The following PLEKHS1 variants were observed in gnomAD, a reference collection of about 807,000 sequenced individuals.
PLEKHS1 encodes pleckstrin homology domain containing S1.
A neutral mutation model predicts 51.0 loss-of-function variants in PLEKHS1; 55 were observed. The observed-to-expected ratio is 1.08, with a 90% confidence interval of 0.87 to 1.35. PLEKHS1 has a LOEUF of 1.35. PLEKHS1 is among the 40% of genes most tolerant of loss of function. The probability of loss-of-function intolerance (pLI) is 0.00; values close to 1 mark genes in which losing one functional copy is unlikely to be tolerated. For missense variants in PLEKHS1, 398 were observed against 423.0 expected, an observed-to-expected ratio of 0.94 and a Z score of 0.52; for synonymous variants, 153 against 144.8, an observed-to-expected ratio of 1.06 and a Z score of -0.41.
intron 8 of PLEKHS1, among the ~76,000 whole-genome samples, chr10:113,772,791 G>T (rs1358373705): frequency 3.3e-5 from 5 of 152,218 alleles, no homozygotes; most frequent in Non-Finnish European, 7.3e-5. Context: ...CTGCAACCTA[G>T]AGTGCGTGAA....
intron 7 of PLEKHS1, among the ~76,000 whole-genome samples, chr10:113,770,292 G>A (rs1844347259): frequency 6.6e-6 from 1 of 152,172 alleles, no homozygotes; most frequent in Non-Finnish European, 1.5e-5. Flanking sequence ...CAAAGGCTGA[G>A]TTTCTTGTTA....
intron 11 of PLEKHS1, 87 bp downstream of exon 11, chr10:113,775,953 C>T: frequency 1.0e-6 from 1 of 985,744 alleles, no homozygotes; most frequent in Non-Finnish European, 1.5e-6. Flanking sequence ...GTGTATTTGG[C>T]AACACTGACT....
chr10:113,760,622 G>T (rs1440208028), intron 2 of PLEKHS1, among the ~76,000 whole-genome samples: 1 of 152,170 alleles, frequency 6.6e-6, no homozygotes, highest in Non-Finnish European at 1.5e-5. Context: ...TTAGAAGAAT[G>T]TCTGTTCAAG....
chr10:113,769,852 AT>A lies in PLEKHS1; in HGVS notation c.505del (p.Ser169GlnfsTer18). On this transcript the variant is annotated frameshift_variant, in exon 7 of 12. Transcript: ENST00000361048. LOFTEE classifies it high-confidence loss of function. ...GCCCTCTCCTTGGCCCTTCCAGCACATCAGAGGCTGTTGGCTCCAGCTCACC... is the reference window on the plus strand; with the variant it reads ...GCCCTCTCCTTGGCCCTTCCAGCACACAGAGGCTGTTGGCTCCAGCTCACC... 6.2e-7 allele frequency: 1 copy of A among 1,614,148 alleles called. No individual in the cohort carries two copies. Among genetic ancestry groups the A allele is most frequent in the Non-Finnish European group, 8.5e-7 (1 of 1,179,986 alleles).
At chr10:113,781,515 CAAACCCCT>C in exon 12 of PLEKHS1, 1 of 123,574 alleles carries the variant, frequency 8.1e-6, no homozygotes, top group African/African-American at 3.1e-5. Flanking sequence ...ACCTCCTTCC[CAAACCCCT>C]CCTTCCCCAA....
At chr10:113,759,695 C>A (rs1195982762) in intron 2 of PLEKHS1, among the ~76,000 whole-genome samples, 1 of 152,110 alleles carries the variant, frequency 6.6e-6, no homozygotes, top group Admixed American at 6.5e-5. Context: ...TGTTGAATAT[C>A]CAGGTTGCTT....
chr10:113,780,535 A>C, intron 11 of PLEKHS1, 67 bp from the exon 13 acceptor site: 1 of 1,454,794 alleles, frequency 6.9e-7, no homozygotes, highest in Non-Finnish European at 9.6e-7. Flanking sequence ...GAATGAGGAC[A>C]GATTGGGAAG....
chr10:113,766,297 C>A, intron 2 of PLEKHS1, 114 bp from the exon 3 acceptor site: 1 of 660,852 alleles, frequency 1.5e-6, no homozygotes, highest in Non-Finnish European at 2.6e-6. Flanking sequence ...TGTCCTTTTC[C>A]ATAACTACTG....
chr10:113,777,397 A>ATT (rs774466423), intron 11 of PLEKHS1, 138 bp downstream of exon 12: 2 of 1,610,538 alleles, frequency 1.2e-6, no homozygotes, highest in Non-Finnish European at 1.7e-6. Context: ...CAAATAACAG[A>ATT]ATGTGCTTTC....
rs73361835 is a variant in PLEKHS1, at chr10:113,765,271, G to A, written c.29-1140G>A. ...TGATTTTTTAGGTGGGTTTGGAGCA[G>A]TGCTCAGTGTAGAACTAGTAATTAG... On this transcript the variant is annotated intron_variant, in intron 2 of 11. Coordinates refer to ENST00000361048, the Ensembl canonical transcript of PLEKHS1. 5.4e-3 allele frequency: 3,742 copies of A among 689,010 alleles called. 89 individuals carry two copies. In the African/African-American group the frequency reaches 0.057, roughly 11 times the overall value. 42.7% of individuals were successfully genotyped at this position (689,010 alleles called of 1,614,324 possible).
At chr10:113,777,025 G>A (rs1158280094) in intron 11 of PLEKHS1, 99 bp from the exon 12 acceptor site, 10 of 1,367,968 alleles carry the variant, frequency 7.3e-6, no homozygotes, top group Middle Eastern at 5.0e-4. Context: ...CTACTTCAGA[G>A]GTGGTGCCAC....
chr10:113,765,586 G>A (rs552790235), intron 2 of PLEKHS1, among the ~76,000 whole-genome samples: 1 of 152,208 alleles, frequency 6.6e-6, no homozygotes, highest in African/African-American at 2.4e-5. Flanking sequence ...ATTAAATAAA[G>A]AAGTTTCTAA....
At chr10:113,777,637 A>G (rs1460489809) in intron 11 of PLEKHS1, 3 of 1,534,938 alleles carry the variant, frequency 2.0e-6, no homozygotes, top group Non-Finnish European at 2.6e-6. Context: ...GGATAATTAA[A>G]TGAGGTAATA....
At chr10:113,761,098 T>C (rs1362488994) in intron 2 of PLEKHS1, among the ~76,000 whole-genome samples, 1 of 152,194 alleles carries the variant, frequency 6.6e-6, no homozygotes, top group Non-Finnish European at 1.5e-5. Flanking sequence ...CACTAATGTA[T>C]GGGTTTGTTT....
exon 5 of PLEKHS1, chr10:113,767,467 T>C (rs1393410441): frequency 3.1e-6 from 5 of 1,611,502 alleles, no homozygotes; most frequent in Non-Finnish European, 4.2e-6. Flanking sequence ...TACTTCCTCA[T>C]TGGCCACGAC....
chr10:113,775,137 A>G (rs778619098), intron 10 of PLEKHS1, 102 bp downstream of exon 10: 68 of 1,128,396 alleles, frequency 6.0e-5, no homozygotes, highest in Non-Finnish European at 7.7e-5. Flanking sequence ...GCTGTTCCTA[A>G]AAATCTCCAA....
At chr10:113,762,176 A>G (rs911095519) in intron 2 of PLEKHS1, among the ~76,000 whole-genome samples, 2 of 151,838 alleles carry the variant, frequency 1.3e-5, no homozygotes, top group African/African-American at 4.8e-5. Context: ...TCCTCCTAAT[A>G]TTGGCAAATT....
intron 8 of PLEKHS1, among the ~76,000 whole-genome samples, chr10:113,773,927 G>A (rs1844531558): frequency 6.6e-6 from 1 of 152,182 alleles, no homozygotes; most frequent in Non-Finnish European, 1.5e-5. Flanking sequence ...ATGCTTTCAT[G>A]TCATTAAGTG....
exon 12 of PLEKHS1, chr10:113,780,797 T>A: frequency 6.5e-7 from 1 of 1,538,322 alleles, no homozygotes. Flanking sequence ...CCCAGACCCA[T>A]GGCAGCAGAA....
Sources: allele counts gnomAD v4.1 joint callset (sites outside exome capture counted in the v4.1 genomes callset), GRCh38; gene constraint gnomAD v4.1.1; transcripts MANE v1.5; gene names NCBI Gene and HGNC (gene_info 2026-07-23, HGNC 2026-07-21).